PHF8: variants seen among roughly 807,000 people sequenced by gnomAD.
PHF8 encodes histone lysine demethylase PHF8.
In PHF8, 9 loss-of-function variants were observed where a neutral mutation model predicts 74.4. The observed-to-expected ratio is 0.12, with a 90% confidence interval of 0.07 to 0.21. The LOEUF is 0.21. Ranked by LOEUF, PHF8 falls within the 10% of genes least tolerant of loss-of-function variation. The pLI is 1.00. For missense variants in PHF8, 478 were observed against 816.6 expected (o/e 0.59, Z 5.05); for synonymous variants, 311 against 316.6 (o/e 0.98, Z 0.19).
intron 18 of PHF8, among the ~76,000 whole-genome samples, chrX:53,966,510 A>C: frequency 8.9e-6 from 1 of 112,805 alleles, no homozygotes; most frequent in Middle Eastern, 4.6e-3. Flanking sequence ...CCAGGATTGC[A>C]GACGGTGTCT....
chrX:54,025,990 T>C (rs890484319), intron 2 of PHF8, among the ~76,000 whole-genome samples: 2 of 111,274 alleles, frequency 1.8e-5, no homozygotes, highest in African/African-American at 6.5e-5. Context: ...ACTACCTAAC[T>C]CTAGACCACT....
intron 6 of PHF8, among the ~76,000 whole-genome samples, chrX:54,015,733 A>G (rs182642946): frequency 3.9e-4 from 43 of 111,245 alleles, no homozygotes; most frequent in Admixed American, 3.7e-3. Flanking sequence ...TAAAAGTTAA[A>G]AATGTAAATA....
At chrX:53,983,207 A>G (rs909608250) in intron 18 of PHF8, among the ~76,000 whole-genome samples, 1 of 111,324 alleles carries the variant, frequency 9.0e-6, no homozygotes, top group Admixed American at 9.6e-5. Flanking sequence ...AAAGATGACA[A>G]TGTAAAAATC....
chrX:53,944,252 G>GA lies in PHF8; in HGVS notation c.2540-10dup. On this transcript the variant is annotated splice_polypyrimidine_tract_variant and intron_variant, in intron 19 of 21. Coordinates refer to ENST00000338154, the MANE Select transcript of PHF8 (RefSeq NM_015107.3). ...AGTTGGGGTCACGCGGGCTGCAAGG[G>GA]AAACAGGATGAGAAGGTGTCACTAA... 1 of 1,155,933 alleles carries GA rather than the reference G, an allele frequency of 8.7e-7. No homozygotes were observed. Among genetic ancestry groups the GA allele is most frequent in the East Asian group, 3.0e-5 (1 of 33,603 alleles).
At chrX:54,003,063 T>C (rs1009670334) in intron 8 of PHF8, among the ~76,000 whole-genome samples, 34 of 112,084 alleles carry the variant, frequency 3.0e-4, no homozygotes, top group Non-Finnish European at 7.5e-5. Flanking sequence ...TTTGCAAAGA[T>C]GTAAAACAAT....
chrX:54,033,852 G>A (rs2066404169), intron 2 of PHF8, among the ~76,000 whole-genome samples: 1 of 111,356 alleles, frequency 9.0e-6, no homozygotes, highest in African/African-American at 3.3e-5. Context: ...GAACCCAGGA[G>A]GTGGAGGTTG....
At chrX:54,004,972 A>T (rs1420022182) in intron 8 of PHF8, among the ~76,000 whole-genome samples, 1 of 110,742 alleles carries the variant, frequency 9.0e-6, no homozygotes, top group Non-Finnish European at 1.9e-5. Context: ...GACAAACTCA[A>T]CAGAAGAATG....
chrX:53,966,357 G>A (rs1020199299), intron 18 of PHF8, among the ~76,000 whole-genome samples: 2 of 112,230 alleles, frequency 1.8e-5, no homozygotes, highest in South Asian at 3.7e-4. Context: ...TCAGCCTGCC[G>A]AGTGCCTGCG....
At chrX:54,029,010 T>C (rs781912938) in intron 2 of PHF8, among the ~76,000 whole-genome samples, 1 of 112,328 alleles carries the variant, frequency 8.9e-6, no homozygotes, top group East Asian at 2.8e-4. Flanking sequence ...GCAAATGAAC[T>C]AAATATATAG....
intron 14 of PHF8, among the ~76,000 whole-genome samples, chrX:53,991,673 A>C (rs1431910127): frequency 5.7e-5 from 6 of 105,295 alleles, no homozygotes; most frequent in East Asian, 2.9e-4. Flanking sequence ...AAAAAAAAAA[A>C]AAAAAAAAAA....
Position 54,044,462 on chromosome X carries a change from T to C in PHF8, c.-793A>G. On this transcript the variant is annotated 5_prime_UTR_variant, in exon 1 of 22. Transcript: ENST00000338154. ...AAGGCGACCGCCATCTTATGAGGGC[T>C]GGACTCGCGAGGTGAGCGCGGCGGA... The C allele has an allele frequency of 2.7e-6, 2 of 745,218 alleles. No individual in the cohort carries two copies. The highest frequency in any genetic ancestry group is 2.3e-5 in the African/African-American group (1 of 43,784). 61.4% of individuals were successfully genotyped at this position (745,218 alleles called of 1,213,427 possible).
intron 18 of PHF8, among the ~76,000 whole-genome samples, chrX:53,974,608 C>T (rs1276993320): frequency 9.0e-6 from 1 of 111,619 alleles, no homozygotes; most frequent in East Asian, 2.8e-4. Flanking sequence ...TACGTGCACA[C>T]GTATGTTCAC....
chrX:53,997,878 G>A (rs781871200), intron 11 of PHF8, among the ~76,000 whole-genome samples: 18 of 111,630 alleles, frequency 1.6e-4, no homozygotes, highest in African/African-American at 5.9e-4. Context: ...AGGGAGCAAG[G>A]GAAGGCTCAA....
At chrX:53,991,429 A>C (rs782811470) in intron 14 of PHF8, among the ~76,000 whole-genome samples, 1 of 110,365 alleles carries the variant, frequency 9.1e-6, no homozygotes, top group African/African-American at 3.3e-5. Context: ...TGGGAGACCG[A>C]GGTGGGCGGA....
intron 19 of PHF8, among the ~76,000 whole-genome samples, chrX:53,953,185 T>A (rs1603301954): frequency 1.0e-5 from 1 of 96,516 alleles, no homozygotes. Flanking sequence ...GAGGCGGGAG[T>A]ATTGCTTGAA....
At chrX:54,047,928 G>A (rs1233275219), upstream of PHF8, among the ~76,000 whole-genome samples, 1 of 111,919 alleles carries the variant, frequency 8.9e-6, no homozygotes, top group East Asian at 2.8e-4. Context: ...GGTGGCTCAC[G>A]CCTGTAATCT....
intron 18 of PHF8, among the ~76,000 whole-genome samples, chrX:53,972,447 C>T (rs1175561017): frequency 4.5e-5 from 5 of 110,903 alleles, no homozygotes; most frequent in South Asian, 3.7e-4. Flanking sequence ...AAAGCTTATC[C>T]GCCACCATCA....
chrX:53,973,064 G>T (rs2065318997), intron 18 of PHF8, among the ~76,000 whole-genome samples: 1 of 111,485 alleles, frequency 9.0e-6, no homozygotes, highest in South Asian at 3.7e-4. Context: ...CAGAAAGAAT[G>T]TAATACCTAT....
At chrX:54,018,410 C>A (rs1311753128) in intron 4 of PHF8, among the ~76,000 whole-genome samples, 1 of 106,153 alleles carries the variant, frequency 9.4e-6, no homozygotes, top group Non-Finnish European at 1.9e-5. Flanking sequence ...GGGCTTTGAA[C>A]ATGCCACTGC....
Sources: allele counts gnomAD v4.1 joint callset (sites outside exome capture counted in the v4.1 genomes callset), GRCh38; gene constraint gnomAD v4.1.1; transcripts MANE v1.5; gene names NCBI Gene and HGNC (gene_info 2026-07-23, HGNC 2026-07-21).